BROX: variants seen among roughly 807,000 people sequenced by gnomAD.
The protein encoded by BROX is BRO1 domain and CAAX motif containing.
BROX carries 53 observed loss-of-function variants against 61.0 expected under a neutral mutation model. That is an observed-to-expected ratio of 0.87 (90% CI 0.70 to 1.09). BROX has a LOEUF of 1.09. Among genes scored for constraint, BROX ranks in the 50% least tolerant of loss-of-function variants. The pLI is 0.00. For missense variants in BROX, 489 were observed against 472.0 expected (o/e 1.04, Z -0.33); for synonymous variants, 152 against 160.2 (o/e 0.95, Z 0.38).
intron 7 of BROX, among the ~76,000 whole-genome samples, chr1:222,726,627 G>A (rs904907970): frequency 2.0e-5 from 3 of 152,046 alleles, no homozygotes; most frequent in Non-Finnish European, 4.4e-5. Flanking sequence ...TGAGGCAGGA[G>A]AATCGCTTGA....
At chr1:222,717,401 T>C (rs1656714604) in intron 2 of BROX, among the ~76,000 whole-genome samples, 1 of 152,196 alleles carries the variant, frequency 6.6e-6, no homozygotes. Context: ...CTAAATTAAA[T>C]ATATCTGAGG....
Position 222,731,448 on chromosome 1 carries a change from A to AC in BROX, c.1082dup (p.Ser362LysfsTer13). ...GCCTATACCTTTCGAATTTCCTCCT[A>AC]CAAGTGTTCAGTGGACACCAGAAAC... On this transcript the variant is annotated frameshift_variant, in exon 12 of 13. Transcript: ENST00000340934. LOFTEE classifies it high-confidence loss of function. 6.2e-7 allele frequency: 1 copy of AC among 1,604,822 alleles called. No homozygotes were observed. Among genetic ancestry groups the AC allele is most frequent in the African/African-American group, 1.3e-5 (1 of 74,332 alleles).
chr1:222,724,123 C>A lies in BROX; in HGVS notation c.433C>A (p.Arg145=), dbSNP rs755992795. ...ITEDEAKEVH[R]SLKIAAGIFK... Reference sequence around the variant, plus strand: ...AGAAGATGAAGCAAAAGAAGTTCATCGAAGCCTAAAGATTGCAGCTGGGAT... The same window carrying A: ...AGAAGATGAAGCAAAAGAAGTTCATAGAAGCCTAAAGATTGCAGCTGGGAT... Residue 145 remains arginine (R), a synonymous_variant, in exon 6 of 13, where the codon CGA becomes AGA. Transcript: ENST00000340934. 5 of 1,611,542 alleles carry A rather than the reference C, an allele frequency of 3.1e-6. No individual in the cohort carries two copies. Among genetic ancestry groups the A allele is most frequent in the Non-Finnish European group, 4.2e-6 (5 of 1,179,024 alleles).
rs1658146755 is a variant in BROX at position 222,734,247 on chromosome 1, T to G, written c.*1533T>G. 1 of 152,214 alleles carries G rather than the reference T, an allele frequency of 6.6e-6. No individual in the cohort carries two copies. The highest frequency in any genetic ancestry group is 2.1e-4 in the South Asian group (1 of 4,826). The allele number at this position is 152,214 out of a possible 1,614,324, so 9.4% of individuals were successfully genotyped here. On this transcript the variant is annotated 3_prime_UTR_variant, in exon 13 of 13. Transcript: ENST00000340934. ...CTTAATATAAATAAGTAGCATACAC[T>G]AAAAGCTTACTATGTGCCAGATACT...
Position 222,734,029 on chromosome 1 carries a change from G to A in BROX, c.*1315G>A, listed in dbSNP as rs1658132854. On this transcript the variant is annotated 3_prime_UTR_variant, in exon 13 of 13. Transcript: ENST00000340934. ...CAGAATTGTATTGGTTTAGGCCAAA[G>A]GCCATAGCAAAAACATAGAGAACAA... 6.6e-6 allele frequency: 1 copy of A among 152,136 alleles called. No individual in the cohort carries two copies. 9.4% of individuals were successfully genotyped at this position (152,136 alleles called of 1,614,324 possible).
intron 7 of BROX, among the ~76,000 whole-genome samples, chr1:222,726,436 G>A (rs182533437): frequency 6.6e-6 from 1 of 152,322 alleles, no homozygotes; most frequent in East Asian, 1.9e-4. Context: ...CCAGTTGGCT[G>A]GGTGTGGTGG....
chr1:222,721,478 C>T (rs1657096682), intron 4 of BROX, among the ~76,000 whole-genome samples: 1 of 147,534 alleles, frequency 6.8e-6, no homozygotes, highest in Non-Finnish European at 1.5e-5. Flanking sequence ...ATTCTGGTTT[C>T]TTCTTTTTGG....
Position 222,733,063 on chromosome 1 carries a change from CTTTTTTTTTTTTCTT to C in BROX, c.*362_*376del, listed in dbSNP as rs1658061946. On this transcript the variant is annotated 3_prime_UTR_variant, in exon 13 of 13. Transcript: ENST00000340934. ...AGGTATGTTTTTCTTTTTTCTTTTT[CTTTTTTTTTTTTCTT>C]TTTTTTTTTTTTTTTTTTTGAGGTG... The C allele has an allele frequency of 9.5e-6, 1 of 104,886 alleles. No homozygotes were observed. Among genetic ancestry groups the C allele is most frequent in the Non-Finnish European group, 2.0e-5 (1 of 50,786 alleles). 6.5% of individuals were successfully genotyped at this position (104,886 alleles called of 1,614,324 possible). A position where few individuals can be genotyped will look rare whatever the true frequency, so the allele number is the denominator to read the frequency against.
intron 4 of BROX, among the ~76,000 whole-genome samples, chr1:222,720,708 G>A (rs1657023970): frequency 6.6e-6 from 1 of 151,684 alleles, no homozygotes; most frequent in Non-Finnish European, 1.5e-5. Flanking sequence ...AGCTACTTGG[G>A]AGGCTGAGAC....
chr1:222,730,634 T>C (rs1025927896), intron 11 of BROX, among the ~76,000 whole-genome samples: 5 of 152,208 alleles, frequency 3.3e-5, no homozygotes, highest in African/African-American at 9.7e-5. Context: ...ATTTTCTCTT[T>C]AAATTCGTGA....
chr1:222,713,544 C>T (rs923810734), intron 1 of BROX: 1 of 654,298 alleles, frequency 1.5e-6, no homozygotes. Flanking sequence ...TAAAGGCACC[C>T]TTGTCCCTGC....
At chr1:222,731,218 CT>C (rs1657910263) in intron 11 of BROX, 138 bp from the exon 12 acceptor site, 1 of 689,022 alleles carries the variant, frequency 1.5e-6, no homozygotes, top group Non-Finnish European at 2.2e-6. Flanking sequence ...AGTTTCTTGA[CT>C]TTTTCACTTT....
intron 5 of BROX, among the ~76,000 whole-genome samples, 166 bp from the exon 6 acceptor site, chr1:222,723,926 T>C (rs1657299054): frequency 6.6e-6 from 1 of 152,184 alleles, no homozygotes; most frequent in Non-Finnish European, 1.5e-5. Context: ...CCCAAAGTGC[T>C]AGGATTACAG....
chr1:222,721,146 A>T (rs900492668), intron 4 of BROX, among the ~76,000 whole-genome samples: 102 of 152,350 alleles, frequency 6.7e-4, no homozygotes, highest in African/African-American at 2.2e-3. Flanking sequence ...CCAAACTGTT[A>T]TATTATTTAA....
chr1:222,712,646 A>G lies in BROX; in HGVS notation c.-313A>G, dbSNP rs1340167310. ...GGCAACTCTTCTCTTCCTGTCTGGG[A>G]AAAAGACCATAGCTCAAAAGGAAGG... is the stretch of plus-strand genomic sequence containing the variant. On this transcript the variant is annotated 5_prime_UTR_variant, in exon 1 of 13. Transcript: ENST00000340934. 5.3e-6 allele frequency: 7 copies of G among 1,312,464 alleles called. No individual in the cohort carries two copies. Among genetic ancestry groups the G allele is most frequent in the East Asian group, 9.2e-5 (2 of 21,742 alleles). The allele number at this position is 1,312,464 out of a possible 1,614,324, so 81.3% of individuals were successfully genotyped here.
Position 222,718,976 on chromosome 1 carries a change from C to T in BROX, c.153C>T (p.Ser51=). The change falls in exon 3 of 13, where the codon AGC becomes AGT. Residue 51 remains serine (S), a synonymous_variant. Coordinates refer to ENST00000340934, the MANE Select transcript of BROX (RefSeq NM_144695.4). ...TCCTTGAACTGTTCACTGATTTGAG[C>T]TGTAATCCAGAAATGATGAAGAATG... ...ARLLELFTDL[S]CNPEMMKNAA... 6.2e-7 allele frequency: 1 copy of T among 1,613,898 alleles called. No homozygotes were observed. The highest frequency in any genetic ancestry group is 8.5e-7 in the Non-Finnish European group (1 of 1,179,888).
rs998664248 is a variant in BROX at position 222,733,369 on chromosome 1, C to T, written c.*655C>T. 9.9e-5 allele frequency: 15 copies of T among 152,210 alleles called. No individual in the cohort carries two copies. The highest frequency in any genetic ancestry group is 1.8e-4 in the Non-Finnish European group (12 of 68,072). The allele number at this position is 152,210 out of a possible 1,614,324, so 9.4% of individuals were successfully genotyped here. A position where few individuals can be genotyped will look rare whatever the true frequency, so the allele number is the denominator to read the frequency against. ...GTGCTGGGATTACAGGCGTGATCCA[C>T]TGCACCTGGCCTCAGGTATGTTTTT... On this transcript the variant is annotated 3_prime_UTR_variant, in exon 13 of 13. Transcript: ENST00000340934.
chr1:222,724,298 G>T, intron 6 of BROX, 134 bp downstream of exon 6: 2 of 699,590 alleles, frequency 2.9e-6, no homozygotes, highest in Non-Finnish European at 4.6e-6. Flanking sequence ...TTTTCCTTAT[G>T]TTAAGTATGT....
At position 222,728,158 on chromosome 1, in the gene BROX, A is replaced by G. The variant is rs147971389; in HGVS notation, c.671-585A>G. ...TCCCTATAGTTGCAGTATTAGAGAT[A>G]GGCTTGCTACATGAAGGAGTAATAG... On this transcript the variant is annotated intron_variant, in intron 8 of 12. Transcript: ENST00000340934. Among the ~76,000 whole-genome samples the G allele has an allele frequency of 1.5e-3, 226 of 152,330 alleles. 6 individuals are homozygous for G. In the South Asian group the frequency reaches 0.021, roughly 14 times the overall value.
Sources: allele counts gnomAD v4.1 joint callset (sites outside exome capture counted in the v4.1 genomes callset), GRCh38; gene constraint gnomAD v4.1.1; transcripts MANE v1.5; gene names NCBI Gene and HGNC (gene_info 2026-07-23, HGNC 2026-07-21).